KCNK1: variants seen among roughly 807,000 people sequenced by gnomAD.
The protein encoded by KCNK1 is potassium channel subfamily K member 1.
KCNK1 carries 10 observed loss-of-function variants against 22.2 expected under a neutral mutation model. That is an observed-to-expected ratio of 0.45 (90% CI 0.28 to 0.76). The LOEUF (loss-of-function observed/expected upper bound fraction) is 0.76, where lower values mean the gene tolerates loss of function less well. KCNK1 is among the 30% of genes least tolerant of loss of function. The pLI, the probability that KCNK1 is intolerant of heterozygous loss-of-function variation, is 0.14. For missense variants in KCNK1, 378 were observed against 421.0 expected (o/e 0.90, Z 0.89); for synonymous variants, 200 against 186.4 (o/e 1.07, Z -0.60).
At position 233,671,607 on chromosome 1, in the gene KCNK1, C is replaced by A; in HGVS notation, c.*77C>A. 6.5e-7 allele frequency: 1 copy of A among 1,535,694 alleles called. No homozygotes were observed. Among genetic ancestry groups the A allele is most frequent in the South Asian group, 1.2e-5 (1 of 83,454 alleles). ...GAGGCTTAAGTATGTTCATTTTTAT[C>A]AGAATGCAAAAGCGAAAATTATGTC... On this transcript the variant is annotated 3_prime_UTR_variant, in exon 3 of 3. Transcript: ENST00000366621.
At chr1:233,616,046 C>T (rs1475010443) in intron 1 of KCNK1, among the ~76,000 whole-genome samples, 2 of 152,196 alleles carry the variant, frequency 1.3e-5, no homozygotes, top group African/African-American at 4.8e-5. Context: ...CTTTCCATAA[C>T]TCTGCCTCCA....
chr1:233,619,084 C>T (rs1297747049), intron 1 of KCNK1, among the ~76,000 whole-genome samples: 4 of 152,056 alleles, frequency 2.6e-5, no homozygotes, highest in South Asian at 2.1e-4. Context: ...GTGACACTAT[C>T]GTGGGTCACT....
chr1:233,671,078 T>C (rs892282431), intron 2 of KCNK1, among the ~76,000 whole-genome samples, 193 bp from the exon 3 acceptor site: 4 of 152,224 alleles, frequency 2.6e-5, no homozygotes, highest in African/African-American at 9.6e-5. Context: ...TTCTTCATTG[T>C]CTTTCACTCT....
rs138763755 is a variant in KCNK1 at position 233,665,941 on chromosome 1, A to G, written c.356-654A>G. Among the ~76,000 whole-genome samples the G allele has an allele frequency of 8.1e-3, 1,241 of 152,320 alleles. 9 individuals carry two copies. Among genetic ancestry groups the G allele is most frequent in the Non-Finnish European group, 0.012 (823 of 68,028 alleles). ...ATGTAAGATGGAGTCTTTTTCTAAG[A>G]TGGAGTTACTCATGTCAAGGGTGCT... is the stretch of plus-strand genomic sequence containing the variant. On this transcript the variant is annotated intron_variant, in intron 1 of 2. Coordinates refer to ENST00000366621, the MANE Select transcript of KCNK1 (RefSeq NM_002245.4).
At chr1:233,639,356 T>A (rs1301575696) in intron 1 of KCNK1, among the ~76,000 whole-genome samples, 1 of 152,226 alleles carries the variant, frequency 6.6e-6, no homozygotes, top group Non-Finnish European at 1.5e-5. Flanking sequence ...TCTGCAACAT[T>A]TCAAATAGTT....
At chr1:233,655,475 C>G (rs1344272982) in intron 1 of KCNK1, among the ~76,000 whole-genome samples, 1 of 152,064 alleles carries the variant, frequency 6.6e-6, no homozygotes, top group African/African-American at 2.4e-5. Context: ...ATGCATTTTG[C>G]GTGTGAGAAG....
At chr1:233,644,945 A>G (rs1334052260) in intron 1 of KCNK1, among the ~76,000 whole-genome samples, 2 of 152,200 alleles carry the variant, frequency 1.3e-5, no homozygotes, top group East Asian at 1.9e-4. Flanking sequence ...CTGTAATCCT[A>G]GCACTTTGGG....
At chr1:233,614,817 A>G (rs1307152516) in intron 1 of KCNK1, among the ~76,000 whole-genome samples, 2 of 152,174 alleles carry the variant, frequency 1.3e-5, no homozygotes, top group Non-Finnish European at 2.9e-5. Flanking sequence ...ACTCTGGGGA[A>G]GTGGTCCCTA....
chr1:233,624,558 A>G (rs916453543), intron 1 of KCNK1, among the ~76,000 whole-genome samples: 1 of 152,128 alleles, frequency 6.6e-6, no homozygotes, highest in Non-Finnish European at 1.5e-5. Context: ...CAGGTGCTCA[A>G]AAGGAGCAAC....
At chr1:233,631,256 T>A (rs1657785551) in intron 1 of KCNK1, 1 of 530,710 alleles carries the variant, frequency 1.9e-6, no homozygotes, top group Non-Finnish European at 3.9e-6. Context: ...TGCCACCAGG[T>A]GCGGGTTTCT....
rs1263616076 is a variant in KCNK1 at position 233,633,825 on chromosome 1, GT to G, written c.355+19300del. On this transcript the variant is annotated intron_variant, in intron 1 of 2. Transcript: ENST00000366621. ...AAACATTAAGCCTCGTTAATGGTAG[GT>G]GTTAGGGGAAAACCCTAACATTAGC... 4.6e-5 allele frequency among the ~76,000 whole-genome samples: 7 copies of G among 152,100 alleles called. No individual in the cohort carries two copies. The South Asian group carries it at 6.2e-4, about 14-fold the overall frequency.
At chr1:233,650,157 C>G in intron 1 of KCNK1, 1 of 415,970 alleles carries the variant, frequency 2.4e-6, no homozygotes, top group Non-Finnish European at 5.0e-6. Context: ...TTACCAGCAT[C>G]TACTGATAAG....
At chr1:233,663,417 A>G (rs1482607212) in intron 1 of KCNK1, among the ~76,000 whole-genome samples, 2 of 152,180 alleles carry the variant, frequency 1.3e-5, no homozygotes, top group Non-Finnish European at 2.9e-5. Flanking sequence ...GATTTAGTTA[A>G]CATTCTAATG....
intron 1 of KCNK1, among the ~76,000 whole-genome samples, chr1:233,651,283 A>G (rs1658198447): frequency 6.6e-6 from 1 of 152,314 alleles, no homozygotes; most frequent in Middle Eastern, 3.4e-3. Context: ...GCACGAATTT[A>G]AAAACCTCAT....
In KCNK1 at chr1:233,618,873, A is replaced by G. The variant is rs1194185889; in HGVS notation, c.355+4347A>G. On this transcript the variant is annotated intron_variant, in intron 1 of 2. Transcript: ENST00000366621. ...TACTCCAGCCTGGCGACAGAGCAAG[A>G]CTCCATCTCAAAAAAACAAAGAAAC... is the stretch of plus-strand genomic sequence containing the variant. Among the ~76,000 whole-genome samples, 7 of 152,218 alleles carry G rather than the reference A, an allele frequency of 4.6e-5. No homozygotes were observed. In the East Asian group the frequency reaches 1.4e-3, roughly 29 times the overall value.
At chr1:233,649,083 G>A (rs1184710716) in intron 1 of KCNK1, among the ~76,000 whole-genome samples, 3 of 152,214 alleles carry the variant, frequency 2.0e-5, no homozygotes, top group African/African-American at 7.2e-5. Context: ...AGAAAGTCCT[G>A]TCAGCATAGT....
At chr1:233,628,557 C>T (rs1404295649) in intron 1 of KCNK1, among the ~76,000 whole-genome samples, 3 of 152,204 alleles carry the variant, frequency 2.0e-5, no homozygotes, top group South Asian at 2.1e-4. Flanking sequence ...CTCAGGAGTT[C>T]GAGACCAGTC....
intron 1 of KCNK1, among the ~76,000 whole-genome samples, chr1:233,622,174 G>C (rs912325264): frequency 3.3e-5 from 5 of 152,148 alleles, no homozygotes; most frequent in Non-Finnish European, 7.3e-5. Context: ...ATTGTCTTTG[G>C]AGCATGTGAA....
chr1:233,633,361 G>A (rs1262024469), intron 1 of KCNK1, among the ~76,000 whole-genome samples: 1 of 152,042 alleles, frequency 6.6e-6, no homozygotes, highest in African/African-American at 2.4e-5. Flanking sequence ...GCATTTTCAT[G>A]TAGGTTATCA....
Sources: allele counts gnomAD v4.1 joint callset (sites outside exome capture counted in the v4.1 genomes callset), GRCh38; gene constraint gnomAD v4.1.1; transcripts MANE v1.5; gene names NCBI Gene and HGNC (gene_info 2026-07-23, HGNC 2026-07-21).